The following MPV17L variants were observed in gnomAD, a reference collection of about 807,000 sequenced individuals.
MPV17L encodes mpv17-like protein.
In MPV17L, 24 loss-of-function variants were observed where a neutral mutation model predicts 25.8. The observed-to-expected ratio is 0.93, with a 90% CI of 0.67 to 1.31. MPV17L has a LOEUF of 1.31. Ranked by LOEUF, MPV17L falls within the 50% of genes most tolerant of loss-of-function variation. The pLI is 0.00. For missense variants in MPV17L, 250 were observed against 265.6 expected (o/e 0.94, Z 0.41); for synonymous variants, 102 against 115.3 (o/e 0.88, Z 0.74).
intron 1 of MPV17L, chr16:15,399,388 C>G (rs2050614498): frequency 4.4e-6 from 2 of 454,090 alleles, no homozygotes; most frequent in Non-Finnish European, 8.8e-6. Context: ...GCCTTGCTAC[C>G]TGAATTTATT....
chr16:15,401,398 C>A (rs1369486874), intron 2 of MPV17L, among the ~76,000 whole-genome samples: 1 of 151,914 alleles, frequency 6.6e-6, no homozygotes, highest in Non-Finnish European at 1.5e-5. Flanking sequence ...TTAAACTATT[C>A]CTAAATTAGA....
chr16:15,401,058 GTATATATATATATATA>G (rs548012835), intron 2 of MPV17L, among the ~76,000 whole-genome samples: 1 of 44,254 alleles, frequency 2.3e-5, no homozygotes, highest in African/African-American at 1.0e-4. Flanking sequence ...ATGTGTGTGT[GTATATATATATATATA>G]TATATATATA....
At chr16:15,404,547 A>G (rs2050664850) in intron 2 of MPV17L, among the ~76,000 whole-genome samples, 1 of 151,786 alleles carries the variant, frequency 6.6e-6, no homozygotes, top group Non-Finnish European at 1.5e-5. Flanking sequence ...AAAAATAAAC[A>G]TGGTGGCTCA....
chr16:15,407,288 T>C (rs1270346249), intron 2 of MPV17L, among the ~76,000 whole-genome samples: 1 of 152,236 alleles, frequency 6.6e-6, no homozygotes. Flanking sequence ...TTCTACCTAA[T>C]AGCTTTTTTC....
Position 15,400,796 on chromosome 16 carries a change from T to C in MPV17L, c.320T>C (p.Ile107Thr), listed in dbSNP as rs767459951. The C allele has an allele frequency of 6.2e-7, 1 of 1,605,180 alleles. No individual in the cohort carries two copies. Among genetic ancestry groups the C allele is most frequent in the Non-Finnish European group, 8.5e-7 (1 of 1,175,836 alleles). ...TGGGTTTTGCAAATAGGTATGAGCA[T>C]TCTCCAAGGAAAGGATGACATATTT... is the stretch of plus-strand genomic sequence containing the variant. The part of the protein sequence containing the change: ...AVSAFYVGMS[I>T]LQGKDDIFLD... The change falls in exon 2 of 4, where the codon ATT (isoleucine) becomes ACT (threonine). Residue 107 changes from isoleucine (I) to threonine (T), a missense_variant. Coordinates refer to ENST00000396385, the MANE Select transcript of MPV17L (RefSeq NM_001128423.2).
At position 15,410,287 on chromosome 16, in the gene MPV17L, AT is replaced by A. The variant is rs1329351372; in HGVS notation, c.*2179del. ...GGCAATACAGCAAGATCCCATCTCT[AT>A]TTTAAAGAAAAGTTTCACTTTGGGA... On this transcript the variant is annotated 3_prime_UTR_variant, in exon 4 of 4. Transcript: ENST00000396385. 6.6e-6 allele frequency: 1 copy of A among 152,174 alleles called. No homozygotes were observed. Among genetic ancestry groups the A allele is most frequent in the African/African-American group, 2.4e-5 (1 of 41,422 alleles). The allele number at this position is 152,174 out of a possible 1,614,324, so 9.4% of individuals were successfully genotyped here. A position where few individuals can be genotyped will look rare whatever the true frequency, so the allele number is the denominator to read the frequency against.
intron 1 of MPV17L, among the ~76,000 whole-genome samples, chr16:15,397,093 A>G (rs1467680748): frequency 2.0e-5 from 3 of 152,152 alleles, no homozygotes; most frequent in Non-Finnish European, 4.4e-5. Flanking sequence ...TTTACTTGGC[A>G]CAAGAAAGGA....
intron 2 of MPV17L, among the ~76,000 whole-genome samples, chr16:15,407,443 T>A (rs1401293634): frequency 1.9e-4 from 29 of 152,088 alleles, no homozygotes; most frequent in Admixed American, 1.6e-3. Context: ...TTGTTTTGTG[T>A]GGTTAAAAGG....
At chr16:15,403,671 CAAAA>C (rs201912807) in intron 2 of MPV17L, among the ~76,000 whole-genome samples, 2 of 98,376 alleles carry the variant, frequency 2.0e-5, no homozygotes. Flanking sequence ...GACCATGGTT[CAAAA>C]AAAAAAAAAA....
At position 15,395,931 on chromosome 16, in the gene MPV17L, G is replaced by A. The variant is rs1461291365; in HGVS notation, c.34G>A (p.Ala12Thr). The A allele has an allele frequency of 2.1e-6, 3 of 1,457,522 alleles. No homozygotes were observed. Among genetic ancestry groups the A allele is most frequent in the South Asian group, 1.4e-5 (1 of 72,962 alleles). 90.3% of individuals were successfully genotyped at this position (1,457,522 alleles called of 1,614,324 possible). Residue 12 changes from alanine to threonine, a missense_variant, in exon 1 of 4, where the codon GCC (alanine) becomes ACC (threonine). Physicochemically the swap from Ala to Thr is moderately conservative, Grantham distance 58. Coordinates refer to ENST00000396385, the MANE Select transcript of MPV17L (RefSeq NM_001128423.2). ...CTGGTGGCCGGCGTTGTCGCGCGCG[G>A]CCCGGCGCCACCCGTGGCCCACCAA... ...AGWWPALSRA[A>T]RRHPWPTNVL... is the part of the protein sequence containing the mutation.
In MPV17L at chr16:15,396,000, C is replaced by G. The variant is rs761248618; in HGVS notation, c.103C>G (p.Gln35Glu). 1.3e-6 allele frequency: 2 copies of G among 1,519,858 alleles called. No homozygotes were observed. Among genetic ancestry groups the G allele is most frequent in the South Asian group, 2.5e-5 (2 of 81,090 alleles). The allele number at this position is 1,519,858 out of a possible 1,614,324, so 94.1% of individuals were successfully genotyped here. Reference sequence around the variant, plus strand: ...GCTCGTCTCGGCCGGGGACGCGCTGCAACAGCGGCTGCAGGGCCGCGAGGC... The same window carrying G: ...GCTCGTCTCGGCCGGGGACGCGCTGGAACAGCGGCTGCAGGGCCGCGAGGC... ...GSLVSAGDALQQRLQGREANW... is the reference protein window; with the variant it reads ...GSLVSAGDALEQRLQGREANW... The change falls in exon 1 of 4, where the codon CAA becomes GAA. Residue 35 changes from glutamine to glutamate, a missense_variant. Physicochemically the swap from Gln to Glu is conservative, Grantham distance 29. Coordinates refer to ENST00000396385, the MANE Select transcript of MPV17L (RefSeq NM_001128423.2).
At chr16:15,398,001 G>C (rs964622781) in intron 1 of MPV17L, among the ~76,000 whole-genome samples, 3 of 152,096 alleles carry the variant, frequency 2.0e-5, no homozygotes, top group African/African-American at 7.2e-5. Flanking sequence ...TAGGGGACCA[G>C]AATGCTATTT....
intron 2 of MPV17L, 80 bp from the exon 3 acceptor site, chr16:15,407,744 A>C: frequency 2.1e-6 from 3 of 1,413,866 alleles, no homozygotes; most frequent in Non-Finnish European, 2.9e-6. Flanking sequence ...CCTGTCTCAA[A>C]AAATAAAAAA....
In MPV17L at chr16:15,412,889, A is replaced by C. The variant is rs2050746534; in HGVS notation, c.*4777A>C. On this transcript the variant is annotated 3_prime_UTR_variant, in exon 4 of 4. Transcript: ENST00000396385. ...GCCACCGCGCCCGGCCTGGAACTGC[A>C]ATTTCTAACTCATACATCATTGCTA... 6.6e-6 allele frequency: 1 copy of C among 152,044 alleles called. No homozygotes were observed. Among genetic ancestry groups the C allele is most frequent in the Non-Finnish European group, 1.5e-5 (1 of 68,002 alleles). The allele number at this position is 152,044 out of a possible 1,614,324, so 9.4% of individuals were successfully genotyped here.
chr16:15,400,463 A>C lies in MPV17L; in HGVS notation c.311-324A>C, dbSNP rs554289791. ...CCTCCCAGGCTCAAGCGATCCTCCC[A>C]CCTCAGCCTCCTGAGTAGCTATGAC... On this transcript the variant is annotated intron_variant, in intron 1 of 3. Transcript: ENST00000396385. 1.4e-3 allele frequency among the ~76,000 whole-genome samples: 209 copies of C among 146,882 alleles called. 1 individual carries two copies. The highest frequency in any genetic ancestry group is 2.4e-3 in the Non-Finnish European group (164 of 67,186).
rs1406361403 is a variant in MPV17L, at chr16:15,408,015, G to C, written c.494G>C (p.Cys165Ser). The change falls in exon 4 of 4, where the codon TGT (cysteine) becomes TCT (serine). Residue 165 changes from cysteine to serine, a missense_variant. Transcript: ENST00000396385. ...GGTTTTCTCTGGGCCACCTTCATCTGTTTTTCCCAGCAGAGTGGTGACGGC... is the reference window on the plus strand; with the variant it reads ...GGTTTTCTCTGGGCCACCTTCATCTCTTTTTCCCAGCAGAGTGGTGACGGC... ...VCGFLWATFICFSQQSGDGTF... is the reference protein window; with the variant it reads ...VCGFLWATFISFSQQSGDGTF... 6.2e-7 allele frequency: 1 copy of C among 1,613,930 alleles called. No homozygotes were observed. The highest frequency in any genetic ancestry group is 1.1e-5 in the South Asian group (1 of 91,076).
chr16:15,397,242 G>C (rs2050594827), intron 1 of MPV17L, among the ~76,000 whole-genome samples: 1 of 152,156 alleles, frequency 6.6e-6, no homozygotes, highest in Non-Finnish European at 1.5e-5. Flanking sequence ...CTAGCACATA[G>C]GCTGCATAGG....
chr16:15,404,295 C>T (rs894478749), intron 2 of MPV17L, among the ~76,000 whole-genome samples: 7 of 152,066 alleles, frequency 4.6e-5, no homozygotes, highest in Non-Finnish European at 8.8e-5. Flanking sequence ...AGTTTGGATC[C>T]TGGAGACTGT....
chr16:15,396,904 C>A (rs1462028923), intron 1 of MPV17L, among the ~76,000 whole-genome samples: 1 of 152,096 alleles, frequency 6.6e-6, no homozygotes, highest in Non-Finnish European at 1.5e-5. Flanking sequence ...TTCAGGGAAC[C>A]CTCTCCTTAG....
Sources: gnomAD v4.1 joint callset for allele counts (sites outside exome capture counted in the v4.1 genomes callset) on GRCh38, gnomAD v4.1.1 for gene constraint, MANE v1.5 for transcripts, NCBI Gene and HGNC (gene_info 2026-07-23, HGNC 2026-07-21) for gene names.